The following TGFB2 variants were observed in gnomAD, a reference collection of about 807,000 sequenced individuals.
TGFB2 encodes the protein transforming growth factor beta 2, also known as transforming growth factor beta-2 proprotein.
A neutral mutation model predicts 42.7 loss-of-function variants in TGFB2; 13 were observed. The ratio of observed to expected loss-of-function variants is 0.30; its 90% confidence interval spans 0.20 to 0.48. The LOEUF is 0.48. TGFB2 is among the 20% of genes least tolerant of loss of function. The pLI is 0.99. For synonymous variants in TGFB2, 193 were observed against 193.6 expected (o/e 1.00, Z 0.03); for missense variants, 390 against 517.5 (o/e 0.75, Z 2.39).
intron 6 of TGFB2, 35 bp downstream of exon 6, chr1:218,437,531 G>C (rs200537358): frequency 5.1e-5 from 81 of 1,575,524 alleles, no homozygotes; most frequent in Non-Finnish European, 6.9e-5. Context: ...CTCTGTTCTT[G>C]GGTTACCATG....
In TGFB2 at chr1:218,345,644, T is replaced by C; in HGVS notation, c.-1058T>C. The stretch of plus-strand genomic sequence containing the variant: ...CACGTTGGGGAGAAGCCAGCAGAGG[T>C]TGGGAAAGGGTGGGAGTCCAAGGGA... On this transcript the variant is annotated 5_prime_UTR_variant, in exon 1 of 7. Transcript: ENST00000366930. 6.6e-6 allele frequency: 1 copy of C among 151,816 alleles called. No individual in the cohort carries two copies. Among genetic ancestry groups the C allele is most frequent in the Non-Finnish European group, 1.5e-5 (1 of 68,180 alleles). 9.4% of individuals were successfully genotyped at this position (151,816 alleles called of 1,614,324 possible).
intron 1 of TGFB2, among the ~76,000 whole-genome samples, chr1:218,369,249 C>T (rs951635771): frequency 8.4e-5 from 8 of 95,082 alleles, no homozygotes; most frequent in South Asian, 7.8e-4. Context: ...AGCAAGATTC[C>T]GTCTCAGAAA....
chr1:218,351,412 C>T lies in TGFB2; in HGVS notation c.346+4365C>T, dbSNP rs1656863692. Among the ~76,000 whole-genome samples the T allele has an allele frequency of 2.6e-5, 4 of 152,166 alleles. No homozygotes were observed. In the South Asian group the frequency reaches 8.3e-4, roughly 31 times the overall value. On this transcript the variant is annotated intron_variant, in intron 1 of 6. Transcript: ENST00000366930. ...AGTTATTAATATACAACAGACCAAA[C>T]TTTAATTCTCCCTTTTTTATTGCAT...
At chr1:218,392,991 A>G (rs1052167215) in intron 1 of TGFB2, among the ~76,000 whole-genome samples, 7 of 152,250 alleles carry the variant, frequency 4.6e-5, no homozygotes, top group Non-Finnish European at 8.8e-5. Context: ...AAATTAGCCC[A>G]CAAGCAAGAA....
At chr1:218,440,655 A>C (rs1433647793) in intron 6 of TGFB2, among the ~76,000 whole-genome samples, 2 of 152,198 alleles carry the variant, frequency 1.3e-5, no homozygotes, top group African/African-American at 4.8e-5. Flanking sequence ...CTACTTATTC[A>C]TGTATTCATT....
At chr1:218,430,127 G>A (rs1053789503) in intron 2 of TGFB2, among the ~76,000 whole-genome samples, 6 of 152,036 alleles carry the variant, frequency 3.9e-5, no homozygotes, top group African/African-American at 1.4e-4. Flanking sequence ...GATACATAAA[G>A]AGGCCGGGCG....
chr1:218,345,961 T>C lies in TGFB2; in HGVS notation c.-741T>C, dbSNP rs890900545. Among the ~76,000 whole-genome samples the C allele has an allele frequency of 6.6e-6, 1 of 151,706 alleles. No individual in the cohort carries two copies. Among genetic ancestry groups the C allele is most frequent in the South Asian group, 2.1e-4 (1 of 4,814 alleles). On this transcript the variant is annotated 5_prime_UTR_variant, in exon 1 of 7. Coordinates refer to ENST00000366930, the MANE Select transcript of TGFB2 (RefSeq NM_003238.6). Reference sequence around the variant, plus strand: ...GGATCCGCGCCGCCTCAGCAGCCTCTGCGGCCCCTGCGGCACCCGACCGAG... The same window carrying C: ...GGATCCGCGCCGCCTCAGCAGCCTCCGCGGCCCCTGCGGCACCCGACCGAG...
intron 2 of TGFB2, among the ~76,000 whole-genome samples, chr1:218,418,582 G>C (rs1659354466): frequency 6.6e-6 from 1 of 152,170 alleles, no homozygotes; most frequent in Non-Finnish European, 1.5e-5. Flanking sequence ...GATTGGTTTT[G>C]AAATGTGAGG....
chr1:218,368,252 C>T (rs533524282), intron 1 of TGFB2, among the ~76,000 whole-genome samples: 50 of 152,270 alleles, frequency 3.3e-4, no homozygotes, highest in Middle Eastern at 3.4e-3. Context: ...TCAAGCAATT[C>T]TCCTGCCTGA....
At chr1:218,400,848 G>A (rs1658690841) in intron 1 of TGFB2, among the ~76,000 whole-genome samples, 1 of 152,002 alleles carries the variant, frequency 6.6e-6, no homozygotes, top group Admixed American at 6.6e-5. Flanking sequence ...CCACTGGGCG[G>A]GCCAGGGAAG....
At chr1:218,440,278 T>A (rs78049208) in intron 6 of TGFB2, among the ~76,000 whole-genome samples, 3,479 of 152,162 alleles carry the variant, frequency 0.023, 48 homozygotes, top group African/African-American at 0.044. Context: ...TTATAGGAGA[T>A]CTTAGAGATC....
chr1:218,348,905 A>G (rs1656781315), intron 1 of TGFB2, among the ~76,000 whole-genome samples: 1 of 152,230 alleles, frequency 6.6e-6, no homozygotes, highest in Non-Finnish European at 1.5e-5. Flanking sequence ...CATTTACTGA[A>G]TAGGTGTGGA....
At chr1:218,379,479 C>CTT (rs1319312573) in intron 1 of TGFB2, among the ~76,000 whole-genome samples, 1 of 84,384 alleles carries the variant, frequency 1.2e-5, no homozygotes, top group East Asian at 3.5e-4. Flanking sequence ...TTCTTTCTTT[C>CTT]TTTCTTTCTT....
intron 1 of TGFB2, among the ~76,000 whole-genome samples, chr1:218,376,100 G>A (rs1012607021): frequency 1.3e-4 from 20 of 152,164 alleles, no homozygotes; most frequent in African/African-American, 3.1e-4. Flanking sequence ...GCTGCACAAC[G>A]TCGTACCCAC....
intron 1 of TGFB2, among the ~76,000 whole-genome samples, chr1:218,390,118 AG>A (rs1418430192): frequency 2.0e-5 from 3 of 152,242 alleles, no homozygotes; most frequent in African/African-American, 7.2e-5. Flanking sequence ...AAGAGGACTT[AG>A]TAAATGCTTT....
intron 2 of TGFB2, among the ~76,000 whole-genome samples, chr1:218,428,180 T>C (rs1213460941): frequency 6.6e-6 from 1 of 152,198 alleles, no homozygotes; most frequent in Non-Finnish European, 1.5e-5. Context: ...TTGATGGGGT[T>C]GTTTGATTTT....
At chr1:218,398,453 A>C (rs2102587343) in intron 1 of TGFB2, among the ~76,000 whole-genome samples, 1 of 152,364 alleles carries the variant, frequency 6.6e-6, no homozygotes, top group Non-Finnish European at 1.5e-5. Context: ...GACTTCTTGC[A>C]AGCCTCAAAT....
chr1:218,371,721 C>T (rs765827230), intron 1 of TGFB2, among the ~76,000 whole-genome samples: 14 of 152,174 alleles, frequency 9.2e-5, no homozygotes, highest in South Asian at 2.1e-4. Flanking sequence ...AGATGTTGTC[C>T]ACAATAAGAA....
At chr1:218,436,659 T>G (rs1311903399) in intron 5 of TGFB2, among the ~76,000 whole-genome samples, 3 of 152,142 alleles carry the variant, frequency 2.0e-5, no homozygotes, top group Non-Finnish European at 4.4e-5. Flanking sequence ...CATGAGTGCA[T>G]GGAGGGAGAA....
Sources: gnomAD v4.1 joint callset for allele counts (sites outside exome capture counted in the v4.1 genomes callset) on GRCh38, gnomAD v4.1.1 for gene constraint, MANE v1.5 for transcripts, NCBI Gene and HGNC (gene_info 2026-07-23, HGNC 2026-07-21) for gene names.